Variants in BMPR1B observed in about 807,000 individuals in gnomAD.
BMPR1B encodes the protein bone morphogenetic protein receptor type 1B.
BMPR1B carries 12 observed loss-of-function variants against 59.1 expected under a neutral mutation model. That is an observed-to-expected ratio of 0.20 (90% CI 0.13 to 0.33). The LOEUF is 0.33. Ranked by LOEUF, BMPR1B falls within the 10% of genes least tolerant of loss-of-function variation. The pLI, the probability that BMPR1B is intolerant of heterozygous loss-of-function variation, is 1.00. For missense variants in BMPR1B, 550 were observed against 610.9 expected, an observed-to-expected ratio of 0.90 and a Z score of 1.05; for synonymous variants, 237 against 207.3, an observed-to-expected ratio of 1.14 and a Z score of -1.23.
chr4:94,956,825 A>T (rs1239385004), intron 2 of BMPR1B, among the ~76,000 whole-genome samples: 1 of 151,948 alleles, frequency 6.6e-6, no homozygotes, highest in Non-Finnish European at 1.5e-5. Flanking sequence ...TTAACTCTTC[A>T]AAAAGGCTCA....
At chr4:94,975,839 T>A (rs551594873) in intron 2 of BMPR1B, among the ~76,000 whole-genome samples, 2 of 152,268 alleles carry the variant, frequency 1.3e-5, no homozygotes, top group Non-Finnish European at 2.9e-5. Flanking sequence ...TGTTTTCAGT[T>A]GTTTCTGTGA....
chr4:94,859,748 G>C (rs1204600683), intron 1 of BMPR1B, among the ~76,000 whole-genome samples: 1 of 151,980 alleles, frequency 6.6e-6, no homozygotes. Flanking sequence ...TGATAATGAA[G>C]TATTTAATAT....
intron 1 of BMPR1B, among the ~76,000 whole-genome samples, chr4:94,836,861 A>C (rs1437683648): frequency 6.7e-6 from 1 of 149,970 alleles, no homozygotes; most frequent in Non-Finnish European, 1.5e-5. Flanking sequence ...GGTATTGCCT[A>C]GGTTTTCTTC....
chr4:94,915,731 G>T (rs921464373), intron 2 of BMPR1B, among the ~76,000 whole-genome samples: 2 of 152,128 alleles, frequency 1.3e-5, no homozygotes, highest in Non-Finnish European at 1.5e-5. Context: ...AATCACGTTT[G>T]GTCATCCTAC....
chr4:94,963,029 A>G (rs1730429911), intron 2 of BMPR1B, among the ~76,000 whole-genome samples: 2 of 152,142 alleles, frequency 1.3e-5, no homozygotes, highest in African/African-American at 4.8e-5. Flanking sequence ...TGGGGTAGAG[A>G]TGATAACTCA....
At chr4:95,027,230 A>G (rs913480036) in intron 3 of BMPR1B, among the ~76,000 whole-genome samples, 3 of 152,192 alleles carry the variant, frequency 2.0e-5, no homozygotes, top group Non-Finnish European at 2.9e-5. Flanking sequence ...ATTTAAAAGA[A>G]CTTGTTTCCC....
intron 2 of BMPR1B, among the ~76,000 whole-genome samples, chr4:94,953,496 A>T (rs1165173410): frequency 6.6e-6 from 1 of 152,040 alleles, no homozygotes; most frequent in Non-Finnish European, 1.5e-5. Flanking sequence ...TGTATAAAGG[A>T]TTTTATTTCT....
chr4:94,872,182 CTT>C (rs1327561124), intron 1 of BMPR1B, among the ~76,000 whole-genome samples: 3 of 152,144 alleles, frequency 2.0e-5, no homozygotes, highest in Non-Finnish European at 2.9e-5. Context: ...TCACAAGGCA[CTT>C]TTAAAATCTT....
At chr4:94,984,025 TGTAA>T (rs1721254579) in intron 2 of BMPR1B, among the ~76,000 whole-genome samples, 1 of 152,218 alleles carries the variant, frequency 6.6e-6, no homozygotes, top group Non-Finnish European at 1.5e-5. Context: ...TTGTCAGGAA[TGTAA>T]GTGAGTTGAA....
chr4:94,820,823 T>A (rs1045268601), intron 1 of BMPR1B, among the ~76,000 whole-genome samples: 1 of 152,242 alleles, frequency 6.6e-6, no homozygotes, highest in Non-Finnish European at 1.5e-5. Flanking sequence ...GAGAACCAAT[T>A]CATTCTCTAC....
chr4:94,901,878 G>C (rs915082336), intron 2 of BMPR1B, among the ~76,000 whole-genome samples: 6 of 151,916 alleles, frequency 3.9e-5, no homozygotes, highest in African/African-American at 1.4e-4. Flanking sequence ...TTGCACCAGA[G>C]TGTTCATTGT....
At chr4:94,927,742 A>G (rs956974229) in intron 2 of BMPR1B, among the ~76,000 whole-genome samples, 1 of 152,136 alleles carries the variant, frequency 6.6e-6, no homozygotes, top group African/African-American at 2.4e-5. Flanking sequence ...TTGAAAGCTG[A>G]AAAGCAGTAA....
intron 1 of BMPR1B, among the ~76,000 whole-genome samples, chr4:94,810,639 A>C (rs893214215): frequency 2.2e-4 from 34 of 152,222 alleles, no homozygotes; most frequent in Admixed American, 1.1e-3. Flanking sequence ...TAAATGAAAA[A>C]GTATGGTCTC....
chr4:94,982,908 C>T (rs889942357), intron 2 of BMPR1B, among the ~76,000 whole-genome samples: 2 of 151,932 alleles, frequency 1.3e-5, no homozygotes, highest in African/African-American at 4.8e-5. Context: ...TGGCATGAAC[C>T]CGGGAGGCGG....
chr4:94,989,369 C>T (rs1721596547), intron 2 of BMPR1B, among the ~76,000 whole-genome samples: 1 of 138,436 alleles, frequency 7.2e-6, no homozygotes, highest in East Asian at 2.1e-4. Flanking sequence ...AGCCTGGTGA[C>T]AGAGCGAGAC....
chr4:94,977,971 T>C (rs1297845083), intron 2 of BMPR1B, among the ~76,000 whole-genome samples: 1 of 152,216 alleles, frequency 6.6e-6, no homozygotes, highest in Non-Finnish European at 1.5e-5. Context: ...GGCAATGGTA[T>C]GGCTATTTTT....
At position 94,970,302 on chromosome 4, in the gene BMPR1B, T is replaced by TCTCTCTCTCTC. The variant is rs70946573; in HGVS notation, c.-112-25738_-112-25737insCTCTCTCTCTC. Among the ~76,000 whole-genome samples the TCTCTCTCTCTC allele has an allele frequency of 8.8e-4, 82 of 92,766 alleles. 1 individual carries two copies. Among genetic ancestry groups the TCTCTCTCTCTC allele is most frequent in the African/African-American group, 3.6e-3 (75 of 20,832 alleles). The allele number at this position is 92,766 out of a possible 152,430, so 60.9% of individuals were successfully genotyped here. On this transcript the variant is annotated intron_variant, in intron 2 of 12. Transcript: ENST00000515059. ...TTCTCTTCTCTTCTCTTCTCTTCTCTTCTTTCTCTCTCTCTTTCTCTCTTT... is the reference window on the plus strand; with the variant it reads ...TTCTCTTCTCTTCTCTTCTCTTCTCTCTCTCTCTCTCTCTTTCTCTCTCTCTTTCTCTCTTT...
intron 3 of BMPR1B, among the ~76,000 whole-genome samples, chr4:95,052,936 A>G (rs1367140046): frequency 1.3e-5 from 2 of 152,134 alleles, no homozygotes; most frequent in Non-Finnish European, 2.9e-5. Context: ...GAAGCATGAT[A>G]TATGTGAGGT....
At chr4:94,791,747 A>T (rs972230291) in intron 1 of BMPR1B, among the ~76,000 whole-genome samples, 3 of 152,154 alleles carry the variant, frequency 2.0e-5, no homozygotes, top group Non-Finnish European at 4.4e-5. Flanking sequence ...GACCAGAAAG[A>T]AATCTCTTGT....
Sources: allele counts gnomAD v4.1 joint callset (sites outside exome capture counted in the v4.1 genomes callset), GRCh38; gene constraint gnomAD v4.1.1; transcripts MANE v1.5; gene names NCBI Gene and HGNC (gene_info 2026-07-23, HGNC 2026-07-21).